Variants in TBL1X observed in about 807,000 individuals in gnomAD.
TBL1X encodes the protein F-box-like/WD repeat-containing protein TBL1X.
A neutral mutation model predicts 50.7 loss-of-function variants in TBL1X; 10 were observed. That is an observed-to-expected ratio of 0.20 (90% CI 0.12 to 0.33). The LOEUF (loss-of-function observed/expected upper bound fraction) is 0.33. TBL1X is among the 10% of genes least tolerant of loss of function. The pLI is 1.00. For synonymous variants in TBL1X, 190 were observed against 214.7 expected, an observed-to-expected ratio of 0.88 and a Z score of 1.01; for missense variants, 340 against 504.4, an observed-to-expected ratio of 0.67 and a Z score of 3.12.
intron 2 of TBL1X, among the ~76,000 whole-genome samples, chrX:9,569,808 AAGG>A (rs759233181): frequency 8.9e-6 from 1 of 112,646 alleles, no homozygotes; most frequent in Non-Finnish European, 1.9e-5. Context: ...CTGGAGCCTA[AAGG>A]CTTTCCCATT....
chrX:9,493,250 A>G (rs1452294425), intron 1 of TBL1X, among the ~76,000 whole-genome samples: 1 of 111,690 alleles, frequency 9.0e-6, no homozygotes, highest in Non-Finnish European at 1.9e-5. Flanking sequence ...AGATTGTCTC[A>G]TTCATCAAGA....
intron 1 of TBL1X, among the ~76,000 whole-genome samples, chrX:9,491,326 ATATATATATATATTTTTT>A (rs1209863345): frequency 6.8e-5 from 2 of 29,340 alleles, no homozygotes; most frequent in African/African-American, 2.5e-4. Flanking sequence ...ATATATATAT[ATATATATATATATTTTTT>A]TTTTTTTTTT....
intron 4 of TBL1X, 129 bp from the exon 5 acceptor site, chrX:9,654,086 A>G: frequency 1.9e-6 from 1 of 519,052 alleles, no homozygotes; most frequent in Non-Finnish European, 3.1e-6. Context: ...ATTATAAAAT[A>G]TAACACAATC....
At chrX:9,682,008 G>A (rs1471689269) in intron 5 of TBL1X, among the ~76,000 whole-genome samples, 1 of 112,923 alleles carries the variant, frequency 8.9e-6, no homozygotes, top group East Asian at 2.8e-4. Flanking sequence ...AGTAGATAAG[G>A]AAGATTCCAT....
chrX:9,661,827 C>CTG (rs1413253464), intron 5 of TBL1X, among the ~76,000 whole-genome samples: 1 of 111,471 alleles, frequency 9.0e-6, no homozygotes, highest in Non-Finnish European at 1.9e-5. Context: ...GGAAGGTTCC[C>CTG]TGTTCTTCAA....
chrX:9,683,541 T>C (rs1400208741), intron 5 of TBL1X, among the ~76,000 whole-genome samples: 1 of 111,510 alleles, frequency 9.0e-6, no homozygotes, highest in Non-Finnish European at 1.9e-5. Context: ...GTGATACACT[T>C]GCCCCGCGTG....
intron 2 of TBL1X, among the ~76,000 whole-genome samples, chrX:9,635,760 C>T (rs1343775172): frequency 8.9e-6 from 1 of 112,130 alleles, no homozygotes; most frequent in Non-Finnish European, 1.9e-5. Flanking sequence ...AGCTTGGCCT[C>T]CCTCCGCCCA....
chrX:9,713,421 C>CTTT (rs757107084), intron 16 of TBL1X, among the ~76,000 whole-genome samples: 10,184 of 84,693 alleles, frequency 0.12, 658 homozygotes, highest in East Asian at 0.36. Flanking sequence ...ATCCTTAGGA[C>CTTT]TTTTCTTTTT....
At chrX:9,547,291 G>A (rs2082249290) in intron 2 of TBL1X, among the ~76,000 whole-genome samples, 1 of 110,064 alleles carries the variant, frequency 9.1e-6, no homozygotes, top group African/African-American at 3.3e-5. Flanking sequence ...CTCCTCTAAG[G>A]CCCTTTAATC....
intron 2 of TBL1X, among the ~76,000 whole-genome samples, chrX:9,590,058 G>C (rs936332867): frequency 2.7e-5 from 3 of 111,830 alleles, no homozygotes; most frequent in Non-Finnish European, 3.8e-5. Flanking sequence ...CACCTCTCCT[G>C]CTCCTCCAAA....
At position 9,603,871 on chromosome X, in the gene TBL1X, G is replaced by A. The variant is rs1170065801; in HGVS notation, c.-130-36402G>A. Among the ~76,000 whole-genome samples, 4 of 110,812 alleles carry A rather than the reference G, an allele frequency of 3.6e-5. No individual in the cohort carries two copies. The Admixed American group carries it at 3.8e-4, about 11-fold the overall frequency. On this transcript the variant is annotated intron_variant, in intron 2 of 17. Coordinates refer to ENST00000645353, the MANE Select transcript of TBL1X (RefSeq NM_005647.4). ...GTGTTGCTGGCGGTCCTTGGCTTGT[G>A]GGCACAGCACTTTCCTCTCTGCCTC...
intron 2 of TBL1X, among the ~76,000 whole-genome samples, chrX:9,606,162 A>G (rs139906013): frequency 0.014 from 1,586 of 111,463 alleles, 27 homozygotes; most frequent in African/African-American, 0.049. Context: ...GTGATGCACC[A>G]TGTGCAACAA....
At chrX:9,658,278 C>G (rs2082876175) in intron 5 of TBL1X, among the ~76,000 whole-genome samples, 1 of 111,407 alleles carries the variant, frequency 9.0e-6, no homozygotes, top group Non-Finnish European at 1.9e-5. Context: ...TGGCCTCTGT[C>G]TTACGGGATC....
chrX:9,683,144 CCTCT>C (rs1157722577), intron 5 of TBL1X, among the ~76,000 whole-genome samples: 2 of 112,146 alleles, frequency 1.8e-5, no homozygotes, highest in African/African-American at 6.5e-5. Context: ...ATGCCACCTC[CCTCT>C]CTCTCCTTGA....
intron 12 of TBL1X, among the ~76,000 whole-genome samples, chrX:9,701,933 G>C (rs1006527250): frequency 5.4e-5 from 6 of 111,990 alleles, no homozygotes; most frequent in South Asian, 3.7e-4. Context: ...ATGTGGAAAA[G>C]ACCATTGCTG....
intron 2 of TBL1X, among the ~76,000 whole-genome samples, chrX:9,618,158 C>T (rs780634470): frequency 3.6e-5 from 4 of 111,367 alleles, no homozygotes; most frequent in South Asian, 7.7e-4. Flanking sequence ...CATTGGGAGG[C>T]GGCGTCTGAC....
At chrX:9,502,877 A>G (rs995678373) in intron 2 of TBL1X, among the ~76,000 whole-genome samples, 1 of 112,277 alleles carries the variant, frequency 8.9e-6, no homozygotes, top group African/African-American at 3.2e-5. Flanking sequence ...TCACCAAATA[A>G]TCAATCCTGC....
At chrX:9,673,498 G>A (rs1224838293) in intron 5 of TBL1X, among the ~76,000 whole-genome samples, 1 of 111,887 alleles carries the variant, frequency 8.9e-6, no homozygotes, top group Non-Finnish European at 1.9e-5. Flanking sequence ...TACTGAGAAG[G>A]TCCTGGCCTA....
At chrX:9,501,884 T>C (rs1383508364) in intron 2 of TBL1X, 35 bp downstream of exon 2, 1 of 111,109 alleles carries the variant, frequency 9.0e-6, no homozygotes, top group Non-Finnish European at 1.9e-5. Flanking sequence ...TCTTGCCTCG[T>C]TGGAAATTCT....
Sources: allele counts gnomAD v4.1 joint callset (sites outside exome capture counted in the v4.1 genomes callset), GRCh38; gene constraint gnomAD v4.1.1; transcripts MANE v1.5; gene names NCBI Gene and HGNC (gene_info 2026-07-23, HGNC 2026-07-21).